ALMS1: variants seen among roughly 807,000 people sequenced by gnomAD.
The protein encoded by ALMS1 is ALMS1 centrosome and basal body associated protein.
A neutral mutation model predicts 352.2 loss-of-function variants in ALMS1; 271 were observed. The ratio of observed to expected loss-of-function variants is 0.77; its 90% CI spans 0.70 to 0.85. The LOEUF is 0.85. Ranked by LOEUF, ALMS1 falls within the 40% of genes least tolerant of loss-of-function variation. The probability of loss-of-function intolerance (pLI) is 0.00; values close to 1 mark genes in which losing one functional copy is unlikely to be tolerated. For missense variants in ALMS1, 5,445 were observed against 4,870.7 expected (o/e 1.12, Z -3.51); for synonymous variants, 1,865 against 1,761.2 (o/e 1.06, Z -1.48).
chr2:73,473,275 T>G (rs1390067917), intron 9 of ALMS1, among the ~76,000 whole-genome samples: 1 of 151,876 alleles, frequency 6.6e-6, no homozygotes, highest in Non-Finnish European at 1.5e-5. Context: ...TCCTATTACC[T>G]TTTTTCTTTC....
chr2:73,439,381 A>G (rs543863685), intron 7 of ALMS1, among the ~76,000 whole-genome samples: 1 of 152,076 alleles, frequency 6.6e-6, no homozygotes, highest in South Asian at 2.1e-4. Context: ...TGACTTCACA[A>G]AGTGCTGAGA....
At chr2:73,561,411 C>A (rs961715147) in intron 15 of ALMS1, among the ~76,000 whole-genome samples, 3 of 152,208 alleles carry the variant, frequency 2.0e-5, no homozygotes, top group African/African-American at 7.2e-5. Flanking sequence ...TGGGTCTGGG[C>A]TGTGCCTGTT....
At chr2:73,419,921 G>A (rs1294320913) in intron 3 of ALMS1, among the ~76,000 whole-genome samples, 1 of 152,170 alleles carries the variant, frequency 6.6e-6, no homozygotes, top group Non-Finnish European at 1.5e-5. Flanking sequence ...TTGTAGAGAA[G>A]CATGAATAGA....
Position 73,490,432 on chromosome 2 carries a change from A to C in ALMS1, c.8473A>C (p.Ser2825Arg), listed in dbSNP as rs765119575. Residue 2825 changes from serine to arginine, a missense_variant, in exon 10 of 23, where the codon AGT (serine) becomes CGT (arginine). Physicochemically the swap from Ser to Arg is moderately radical, Grantham distance 110 (BLOSUM62 -1). Coordinates refer to ENST00000613296, the MANE Select transcript of ALMS1 (RefSeq NM_001378454.1). ...SDFTGSHSEP[S>R]TRANCSNFKE... ...TTTTACAGGCAGTCATTCTGAGCCC[A>C]GTACCAGGGCAAATTGTAGCAATTT... The C allele has an allele frequency of 6.2e-7, 1 of 1,614,216 alleles. No homozygotes were observed. The highest frequency in any genetic ancestry group is 1.7e-5 in the Admixed American group (1 of 60,024).
chr2:73,477,134 C>T (rs1292187635), intron 9 of ALMS1, among the ~76,000 whole-genome samples: 1 of 152,032 alleles, frequency 6.6e-6, no homozygotes, highest in African/African-American at 2.4e-5. Context: ...TCCAATTTAT[C>T]AACTTTTACT....
chr2:73,424,385 T>C (rs773747732), intron 4 of ALMS1, 45 bp from the exon 5 acceptor site: 221 of 1,260,592 alleles, frequency 1.8e-4, no homozygotes, highest in Non-Finnish European at 2.3e-4. Context: ...AAATTAAATG[T>C]TTTTAATGTT....
chr2:73,556,595 A>T (rs1420350385), intron 13 of ALMS1, among the ~76,000 whole-genome samples: 2 of 151,276 alleles, frequency 1.3e-5, no homozygotes, highest in African/African-American at 4.9e-5. Context: ...AGCATTGTTC[A>T]CATCTTTTTT....
At chr2:73,559,199 G>T (rs1674606855) in intron 15 of ALMS1, 57 bp downstream of exon 15, 2 of 1,572,122 alleles carry the variant, frequency 1.3e-6, no homozygotes, top group Admixed American at 1.8e-5. Context: ...GTGAGGGTCA[G>T]TGTTAGTGTT....
intron 7 of ALMS1, among the ~76,000 whole-genome samples, chr2:73,436,918 G>C (rs754409330): frequency 3.3e-5 from 5 of 152,286 alleles, no homozygotes; most frequent in Middle Eastern, 3.4e-3. Flanking sequence ...CCCCTGTGAA[G>C]GGGTCACACT....
rs1177034412 is a variant in ALMS1 at position 73,491,206 on chromosome 2, T to A, written c.9247T>A (p.Phe3083Ile). Residue 3083 changes from phenylalanine to isoleucine, a missense_variant, in exon 10 of 23, where the codon TTT becomes ATT. Transcript: ENST00000613296. ...AASKARMNSE[F>I]NFDLHTVSSR... ...TTCTAAAGCGAGGATGAATAGTGAG[T>A]TTAACTTTGACTTACATACTGTATC... 1 of 1,614,132 alleles carries A rather than the reference T, an allele frequency of 6.2e-7. No homozygotes were observed. Among genetic ancestry groups the A allele is most frequent in the East Asian group, 2.2e-5 (1 of 44,876 alleles).
intron 10 of ALMS1, among the ~76,000 whole-genome samples, chr2:73,513,207 C>T (rs926856935): frequency 5.3e-5 from 8 of 152,070 alleles, no homozygotes; most frequent in Non-Finnish European, 1.0e-4. Context: ...TGGGCTTTGG[C>T]ATTCCATGCT....
At chr2:73,548,471 C>T (rs767307318) in intron 12 of ALMS1, among the ~76,000 whole-genome samples, 5 of 152,210 alleles carry the variant, frequency 3.3e-5, no homozygotes, top group Non-Finnish European at 7.3e-5. Flanking sequence ...ACCCACTGCT[C>T]TCAGGGATGT....
In ALMS1 at chr2:73,441,884, A is replaced by G. The variant is rs565714038; in HGVS notation, c.1433-6076A>G. Among the ~76,000 whole-genome samples the G allele has an allele frequency of 3.3e-5, 5 of 152,088 alleles. No individual in the cohort carries two copies. In the East Asian group the frequency reaches 9.7e-4, roughly 29 times the overall value. On this transcript the variant is annotated intron_variant, in intron 7 of 22. Transcript: ENST00000613296. ...CTGGAGTTTTGAAAACTTGACTTAG[A>G]TGTGCTATTGTCTTTGGTTGTTGGT...
In ALMS1 at chr2:73,449,634, C is replaced by T; in HGVS notation, c.3107C>T (p.Ala1036Val). The T allele has an allele frequency of 6.2e-7, 1 of 1,614,080 alleles. No homozygotes were observed. Among genetic ancestry groups the T allele is most frequent in the Non-Finnish European group, 8.5e-7 (1 of 1,179,968 alleles). ...AAAGTTTCAACTGGCCCTGGACCAG[C>T]TGACCAGAAGACTGAGATACCAGCA... ...ALKVSTGPGPADQKTEIPAVQ... is the reference protein window; with the variant it reads ...ALKVSTGPGPVDQKTEIPAVQ... Residue 1036 changes from alanine to valine, a missense_variant, in exon 8 of 23, where the codon GCT (alanine) becomes GTT (valine). Coordinates refer to ENST00000613296, the MANE Select transcript of ALMS1 (RefSeq NM_001378454.1).
Position 73,491,518 on chromosome 2 carries a change from C to T in ALMS1, c.9539+20C>T, listed in dbSNP as rs759559244. On this transcript the variant is annotated intron_variant, in intron 10 of 22. Coordinates refer to ENST00000613296, the MANE Select transcript of ALMS1 (RefSeq NM_001378454.1). Reference sequence around the variant, plus strand: ...AGATCGGTGAGTCTCATTGTGATAACAAGCAAGCTGGATGGACTTTGTAAT... The same window carrying T: ...AGATCGGTGAGTCTCATTGTGATAATAAGCAAGCTGGATGGACTTTGTAAT... The T allele has an allele frequency of 5.6e-6, 9 of 1,612,308 alleles. No individual in the cohort carries two copies. Among genetic ancestry groups the T allele is most frequent in the Admixed American group, 1.7e-5 (1 of 59,996 alleles).
At chr2:73,523,340 G>A (rs927432474) in intron 11 of ALMS1, among the ~76,000 whole-genome samples, 1 of 152,146 alleles carries the variant, frequency 6.6e-6, no homozygotes, top group African/African-American at 2.4e-5. Flanking sequence ...TCAACCTTTT[G>A]TCTCATTTCC....
intron 16 of ALMS1, among the ~76,000 whole-genome samples, chr2:73,579,098 G>A (rs1475339102): frequency 8.8e-6 from 1 of 113,840 alleles, no homozygotes; most frequent in Non-Finnish European, 1.8e-5. Context: ...AGACGGAGTC[G>A]TCCTGGGCTG....
rs1451363386 is a variant in ALMS1 at position 73,452,661 on chromosome 2, A to G, written c.6134A>G (p.His2045Arg). ...AAGACTCCATCCCAGACAGCTTTTC[A>G]TAGTTCCTATTCTCAAACAGTAAAG... ...DQKTPSQTAF[H>R]SSYSQTVKPN... Residue 2045 changes from histidine (H) to arginine (R), a missense_variant, in exon 8 of 23, where the codon CAT becomes CGT. Physicochemically the swap from His to Arg is conservative, Grantham distance 29. Coordinates refer to ENST00000613296, the MANE Select transcript of ALMS1 (RefSeq NM_001378454.1). 1.2e-6 allele frequency: 2 copies of G among 1,614,012 alleles called. No homozygotes were observed. Among genetic ancestry groups the G allele is most frequent in the Non-Finnish European group, 1.7e-6 (2 of 1,179,986 alleles).
chr2:73,571,654 TA>T (rs1674930027), intron 15 of ALMS1, among the ~76,000 whole-genome samples: 1 of 151,996 alleles, frequency 6.6e-6, no homozygotes, highest in Admixed American at 6.6e-5. Context: ...AATTGTAAGA[TA>T]TTACATCTAA....
Sources: allele counts gnomAD v4.1 joint callset (sites outside exome capture counted in the v4.1 genomes callset), GRCh38; gene constraint gnomAD v4.1.1; transcripts MANE v1.5; gene names NCBI Gene and HGNC (gene_info 2026-07-23, HGNC 2026-07-21).